Variants in UTRN observed in about 807,000 individuals in gnomAD.
The protein encoded by UTRN is utrophin, also known as dystrophin-related protein 1.
Under a neutral mutation model 463.9 loss-of-function variants are expected in UTRN, and 283 were observed. That is an observed-to-expected ratio of 0.61 (90% CI 0.55 to 0.67). The LOEUF (loss-of-function observed/expected upper bound fraction) is 0.67, where lower values mean the gene tolerates loss of function less well. Ranked by LOEUF, UTRN falls within the 30% of genes least tolerant of loss-of-function variation. The pLI is 0.00. For synonymous variants in UTRN, 1,442 were observed against 1,431.5 expected (o/e 1.01, Z -0.17); for missense variants, 3,922 against 4,084.3 (o/e 0.96, Z 1.08).
chr6:144,540,224 T>C (rs1468007299), intron 45 of UTRN, among the ~76,000 whole-genome samples: 1 of 152,068 alleles, frequency 6.6e-6, no homozygotes, highest in Admixed American at 6.5e-5. Context: ...CCATTATTTT[T>C]TTTTTGCCAT....
chr6:144,685,826 T>G (rs1221231729), intron 52 of UTRN, among the ~76,000 whole-genome samples: 1 of 152,182 alleles, frequency 6.6e-6, no homozygotes, highest in Admixed American at 6.5e-5. Flanking sequence ...ATATTTTCTC[T>G]CATTCTGTGG....
intron 42 of UTRN, among the ~76,000 whole-genome samples, chr6:144,532,102 A>G (rs151307793): frequency 0.025 from 3,768 of 152,236 alleles, 160 homozygotes; most frequent in African/African-American, 0.084. Context: ...GTGCCACTGC[A>G]CTCCAGCCTG....
chr6:144,464,119 A>C (rs900181184), intron 23 of UTRN, among the ~76,000 whole-genome samples: 33 of 152,254 alleles, frequency 2.2e-4, no homozygotes, highest in East Asian at 1.2e-3. Flanking sequence ...TATTGCCCCC[A>C]AAAAGTGAAA....
intron 25 of UTRN, among the ~76,000 whole-genome samples, chr6:144,479,588 A>T (rs546183275): frequency 6.6e-6 from 1 of 152,358 alleles, no homozygotes; most frequent in South Asian, 2.1e-4. Context: ...ATTTCGAGAT[A>T]AGAGTATTAT....
Position 144,440,282 on chromosome 6 carries a change from C to A in UTRN, c.1393-70C>A, listed in dbSNP as rs2114900556. 4 of 1,533,978 alleles carry A rather than the reference C, an allele frequency of 2.6e-6. No homozygotes were observed. In the East Asian group the frequency reaches 9.0e-5, roughly 35 times the overall value. On this transcript the variant is annotated intron_variant, in intron 12 of 74. Transcript: ENST00000367545. ...ATTAACTGTCCTTAATTACTATTGA[C>A]AACTGAGTGCGTTTTAAATAGGTAA...
At chr6:144,771,665 A>T (rs1164155288) in intron 58 of UTRN, among the ~76,000 whole-genome samples, 1 of 152,010 alleles carries the variant, frequency 6.6e-6, no homozygotes, top group Non-Finnish European at 1.5e-5. Context: ...ACCTCAAGTG[A>T]TCCACCTGCC....
chr6:144,714,048 G>A (rs6928354), intron 53 of UTRN, among the ~76,000 whole-genome samples: 3,333 of 152,144 alleles, frequency 0.022, 142 homozygotes, highest in African/African-American at 0.077. Flanking sequence ...TATGTCACTG[G>A]GGTGGAACCA....
chr6:144,383,109 T>G (rs549940127), intron 2 of UTRN, among the ~76,000 whole-genome samples: 192 of 152,080 alleles, frequency 1.3e-3, no homozygotes, highest in Non-Finnish European at 1.9e-3. Flanking sequence ...TTTTTGTACT[T>G]TTTGTAGAGA....
At chr6:144,347,981 CTA>C (rs964027611) in intron 2 of UTRN, among the ~76,000 whole-genome samples, 92 of 151,904 alleles carry the variant, frequency 6.1e-4, no homozygotes, top group African/African-American at 2.1e-3. Flanking sequence ...GTAGCTGGGA[CTA>C]TAGGTATGTG....
chr6:144,462,864 G>C lies in UTRN; in HGVS notation c.3064G>C (p.Glu1022Gln), dbSNP rs200897894. 6.2e-7 allele frequency: 1 copy of C among 1,601,312 alleles called. No individual in the cohort carries two copies. Among genetic ancestry groups the C allele is most frequent in the South Asian group, 1.2e-5 (1 of 86,824 alleles). The part of the protein sequence containing the change: ...EEIALTLRAF[E>Q]ADSTVIEKWM... ...AATTGCTCTCACACTCAGAGCTTTT[G>C]AGGTAAATCCAGAGGCCACTGGGAG... Residue 1022 changes from glutamate (E) to glutamine (Q), a missense_variant and splice_region_variant, in exon 23 of 75, where the codon GAG (glutamate) becomes CAG (glutamine). This residue lies in a region of UTRN where 2,349 missense variants were observed against 2,303.8 expected (regional missense o/e 1.02). Transcript: ENST00000367545.
intron 65 of UTRN, among the ~76,000 whole-genome samples, chr6:144,807,641 C>T (rs1427692267): frequency 6.6e-6 from 1 of 152,112 alleles, no homozygotes; most frequent in East Asian, 1.9e-4. Context: ...TCAACTCCCA[C>T]TTTGTGTGTG....
chr6:144,839,126 G>T (rs1430422207), intron 71 of UTRN, 47 bp from the exon 72 acceptor site: 24 of 1,459,136 alleles, frequency 1.6e-5, no homozygotes, highest in Non-Finnish European at 2.2e-5. Context: ...TTTTCCTTAT[G>T]ATTATTTGAA....
intron 2 of UTRN, among the ~76,000 whole-genome samples, chr6:144,300,029 A>G (rs1379735778): frequency 3.3e-5 from 5 of 152,084 alleles, no homozygotes; most frequent in Non-Finnish European, 5.9e-5. Flanking sequence ...GTTAAGTGAC[A>G]TAGACCACCG....
At chr6:144,414,786 G>T (rs1236879202) in intron 3 of UTRN, among the ~76,000 whole-genome samples, 1 of 151,548 alleles carries the variant, frequency 6.6e-6, no homozygotes, top group East Asian at 1.9e-4. Context: ...CGCAGTCTTG[G>T]TTCACTGCAA....
rs199713104 is a variant in UTRN at position 144,836,378 on chromosome 6, C to G, written c.9902C>G (p.Ser3301Trp). Residue 3301 changes from serine to tryptophan, a missense_variant, in exon 71 of 75, where the codon TCG becomes TGG. Around this residue, in one of 3 missense-constraint regions of UTRN, gnomAD observed 1,309 missense variants for 1,452.6 expected, o/e 0.90. Transcript: ENST00000367545. ...CTCCCTGTCGGTTCACCGCCAGAGT[C>G]GATTATATCTCCCCATCACACGTCT... ...RGLPVGSPPE[S>W]IISPHHTSED... 2 of 1,613,854 alleles carry G rather than the reference C, an allele frequency of 1.2e-6. No homozygotes were observed. The highest frequency in any genetic ancestry group is 2.7e-5 in the African/African-American group (2 of 74,894).
At chr6:144,808,214 G>A (rs1037680348) in intron 65 of UTRN, among the ~76,000 whole-genome samples, 9 of 152,068 alleles carry the variant, frequency 5.9e-5, no homozygotes, top group African/African-American at 2.2e-4. Flanking sequence ...ACCTCTATGT[G>A]GAGAAATTCA....
chr6:144,718,393 C>T (rs1056517933), intron 53 of UTRN, among the ~76,000 whole-genome samples: 3 of 152,064 alleles, frequency 2.0e-5, no homozygotes, highest in Non-Finnish European at 4.4e-5. Flanking sequence ...TCACTTGAGC[C>T]CGGAAGTTCA....
At chr6:144,606,247 A>G (rs564406270) in intron 51 of UTRN, among the ~76,000 whole-genome samples, 3 of 152,346 alleles carry the variant, frequency 2.0e-5, no homozygotes, top group South Asian at 4.1e-4. Flanking sequence ...ACAAAACACA[A>G]CTTCAAATCA....
intron 50 of UTRN, among the ~76,000 whole-genome samples, chr6:144,557,555 C>T (rs1369395887): frequency 1.3e-5 from 2 of 151,734 alleles, no homozygotes; most frequent in African/African-American, 2.4e-5. Flanking sequence ...CAGCCTAAAC[C>T]TTGCCAATGA....
Sources: gnomAD v4.1 joint callset for allele counts (sites outside exome capture counted in the v4.1 genomes callset) on GRCh38, gnomAD v4.1.1 for gene constraint, gnomAD v4.1.1 regional missense constraint, MANE v1.5 for transcripts, NCBI Gene and HGNC (gene_info 2026-07-23, HGNC 2026-07-21) for gene names.